PPP3CA: variants seen among roughly 807,000 people sequenced by gnomAD.
PPP3CA encodes protein phosphatase 3 catalytic subunit alpha.
PPP3CA carries 14 observed loss-of-function variants against 66.5 expected under a neutral mutation model. The observed-to-expected ratio is 0.21, with a 90% CI of 0.14 to 0.33. The LOEUF is 0.33. Among genes scored for constraint, PPP3CA ranks in the 10% least tolerant of loss-of-function variants. The pLI, the probability that PPP3CA is intolerant of heterozygous loss-of-function variation, is 1.00. For synonymous variants in PPP3CA, 232 were observed against 226.2 expected (o/e 1.03, Z -0.23); for missense variants, 317 against 639.5 (o/e 0.50, Z 5.44).
At chr4:101,203,284 C>T (rs1725027585) in intron 1 of PPP3CA, among the ~76,000 whole-genome samples, 1 of 152,114 alleles carries the variant, frequency 6.6e-6, no homozygotes, top group South Asian at 2.1e-4. Flanking sequence ...ATCACGAGGT[C>T]AAGAGATCGA....
intron 6 of PPP3CA, among the ~76,000 whole-genome samples, chr4:101,086,138 A>G (rs1341645262): frequency 6.6e-6 from 1 of 152,156 alleles, no homozygotes; most frequent in Non-Finnish European, 1.5e-5. Context: ...CACATTGAAG[A>G]TAAAATAGAA....
intron 8 of PPP3CA, among the ~76,000 whole-genome samples, chr4:101,067,810 T>TATA (rs143876116): frequency 0.014 from 2,120 of 147,042 alleles, 27 homozygotes; most frequent in East Asian, 0.046. Context: ...AAACTTAAAG[T>TATA]ATAATAATAA....
At chr4:101,324,217 G>GAAGGA (rs1729140790) in intron 1 of PPP3CA, among the ~76,000 whole-genome samples, 2 of 142,544 alleles carry the variant, frequency 1.4e-5, no homozygotes, top group Non-Finnish European at 3.1e-5. Flanking sequence ...AGGAAGGAAG[G>GAAGGA]AAGGAAAGGA....
intron 1 of PPP3CA, among the ~76,000 whole-genome samples, chr4:101,324,318 A>G (rs1214877701): frequency 6.6e-6 from 1 of 152,132 alleles, no homozygotes; most frequent in Non-Finnish European, 1.5e-5. Context: ...CCAGGATTCA[A>G]TGCAGGTAGT....
intron 2 of PPP3CA, among the ~76,000 whole-genome samples, chr4:101,191,981 G>A (rs1724619454): frequency 6.6e-6 from 1 of 152,164 alleles, no homozygotes. Flanking sequence ...CCTCTGCCCA[G>A]AGAGCAGAAC....
intron 1 of PPP3CA, among the ~76,000 whole-genome samples, chr4:101,313,684 A>G (rs1372127352): frequency 6.6e-6 from 1 of 152,194 alleles, no homozygotes; most frequent in Non-Finnish European, 1.5e-5. Flanking sequence ...TTCAGACTGC[A>G]CAGCTGTCAA....
At chr4:101,235,566 T>C (rs1000719994) in intron 1 of PPP3CA, among the ~76,000 whole-genome samples, 4 of 151,870 alleles carry the variant, frequency 2.6e-5, no homozygotes, top group African/African-American at 4.8e-5. Context: ...CATTAGACTA[T>C]GAATTCCATG....
intron 1 of PPP3CA, among the ~76,000 whole-genome samples, chr4:101,293,990 A>G (rs1014398844): frequency 1.2e-4 from 19 of 152,228 alleles, no homozygotes; most frequent in Non-Finnish European, 1.5e-5. Flanking sequence ...GAGATAGGAA[A>G]ACCAATATTT....
At chr4:101,209,875 A>G (rs1417980190) in intron 1 of PPP3CA, among the ~76,000 whole-genome samples, 2 of 152,198 alleles carry the variant, frequency 1.3e-5, no homozygotes, top group Non-Finnish European at 2.9e-5. Flanking sequence ...ATTTTTAAAT[A>G]TTATTAAAAG....
At chr4:101,108,556 A>T (rs918254861) in intron 3 of PPP3CA, among the ~76,000 whole-genome samples, 2 of 152,198 alleles carry the variant, frequency 1.3e-5, no homozygotes, top group Non-Finnish European at 2.9e-5. Context: ...ATCTGAGGTC[A>T]GGAGTTTGAG....
chr4:101,333,254 T>A (rs866677517), intron 1 of PPP3CA, among the ~76,000 whole-genome samples: 27 of 139,416 alleles, frequency 1.9e-4, no homozygotes, highest in Admixed American at 8.2e-4. Flanking sequence ...ACTACAGGCA[T>A]GCACTACCAT....
chr4:101,314,019 T>A (rs959743153), intron 1 of PPP3CA, among the ~76,000 whole-genome samples: 4 of 152,206 alleles, frequency 2.6e-5, no homozygotes, highest in Non-Finnish European at 5.9e-5. Flanking sequence ...AAACAAACAC[T>A]AATGAGAGTC....
At chr4:101,066,604 A>G (rs978387361) in intron 8 of PPP3CA, among the ~76,000 whole-genome samples, 2 of 152,198 alleles carry the variant, frequency 1.3e-5, no homozygotes, top group African/African-American at 2.4e-5. Flanking sequence ...ATGCAAAAAT[A>G]CTTTTTGAAT....
intron 1 of PPP3CA, among the ~76,000 whole-genome samples, chr4:101,316,814 T>C (rs567996695): frequency 4.7e-4 from 72 of 152,312 alleles, no homozygotes; most frequent in Non-Finnish European, 9.1e-4. Context: ...GTAAGTTGAA[T>C]GTAGTAAGAG....
intron 2 of PPP3CA, among the ~76,000 whole-genome samples, 200 bp from the exon 3 acceptor site, chr4:101,109,278 A>G (rs951176215): frequency 6.7e-6 from 1 of 148,988 alleles, no homozygotes; most frequent in Non-Finnish European, 1.5e-5. Context: ...CTTGGCTCTA[A>G]TGTCTGAGTC....
At chr4:101,284,462 T>C (rs929331475) in intron 1 of PPP3CA, among the ~76,000 whole-genome samples, 6 of 152,196 alleles carry the variant, frequency 3.9e-5, no homozygotes, top group Non-Finnish European at 8.8e-5. Flanking sequence ...TAACTTGCTT[T>C]TGTTTCTGAA....
chr4:101,067,686 G>A, intron 8 of PPP3CA, among the ~76,000 whole-genome samples: 1 of 138,106 alleles, frequency 7.2e-6, no homozygotes, highest in Non-Finnish European at 1.5e-5. Context: ...GGACGGGGAG[G>A]GATAGCATTA....
At chr4:101,093,617 T>A (rs1423204108) in intron 6 of PPP3CA, among the ~76,000 whole-genome samples, 159 bp downstream of exon 6, 1 of 152,206 alleles carries the variant, frequency 6.6e-6, no homozygotes, top group African/African-American at 2.4e-5. Flanking sequence ...ATTTACTCAC[T>A]TATTCATTTA....
intron 2 of PPP3CA, among the ~76,000 whole-genome samples, chr4:101,146,745 A>G (rs1359043539): frequency 6.6e-6 from 1 of 152,122 alleles, no homozygotes; most frequent in Non-Finnish European, 1.5e-5. Context: ...CTGGCCAAGA[A>G]CCACATTTTA....
Sources: allele counts gnomAD v4.1 joint callset (sites outside exome capture counted in the v4.1 genomes callset), GRCh38; gene constraint gnomAD v4.1.1; transcripts MANE v1.5; gene names NCBI Gene and HGNC (gene_info 2026-07-23, HGNC 2026-07-21).